ZFP1: variants seen among roughly 807,000 people sequenced by gnomAD.
ZFP1 encodes the protein zinc finger protein 1 homolog.
ZFP1 carries 32 observed loss-of-function variants against 38.5 expected under a neutral mutation model. The ratio of observed to expected loss-of-function variants is 0.83; its 90% CI spans 0.63 to 1.12. The LOEUF (loss-of-function observed/expected upper bound fraction) is 1.12. ZFP1 is among the 50% of genes most tolerant of loss of function. The pLI, the probability that ZFP1 is intolerant of heterozygous loss-of-function variation, is 0.00. For missense variants in ZFP1, 616 were observed against 480.8 expected, an observed-to-expected ratio of 1.28 and a Z score of -2.63; for synonymous variants, 245 against 168.8, an observed-to-expected ratio of 1.45 and a Z score of -3.50.
chr16:75,128,188 T>C, the ZFP1 span, among the ~76,000 whole-genome samples: 4 of 152,316 alleles, frequency 2.6e-5, no homozygotes, highest in Non-Finnish European at 4.4e-5. Flanking sequence ...TGACCTGTGG[T>C]AAGTAAAGAA....
At chr16:75,140,741 C>A in the ZFP1 span, among the ~76,000 whole-genome samples, 2 of 152,162 alleles carry the variant, frequency 1.3e-5, no homozygotes, top group East Asian at 3.9e-4. Flanking sequence ...GGGCGGATCA[C>A]GAGGTCAGGA....
In ZFP1 at chr16:75,169,576, T is replaced by C; in HGVS notation, c.466T>C (p.Ser156Pro). 1 of 1,601,364 alleles carries C rather than the reference T, an allele frequency of 6.2e-7. No homozygotes were observed. The highest frequency in any genetic ancestry group is 8.5e-7 in the Non-Finnish European group (1 of 1,177,118). ...QEKTHSGVEY[S>P]EYNKSGKALS... Reference sequence around the variant, plus strand: ...GAAAACCCACAGTGGAGTAGAATATTCTGAATACAATAAAAGTGGAAAAGC... The same window carrying C: ...GAAAACCCACAGTGGAGTAGAATATCCTGAATACAATAAAAGTGGAAAAGC... The change falls in exon 4 of 4, where the codon TCT (serine) becomes CCT (proline). Residue 156 changes from serine to proline, a missense_variant. Transcript: ENST00000570010.
the ZFP1 span, among the ~76,000 whole-genome samples, chr16:75,136,235 G>T: frequency 6.6e-6 from 1 of 152,208 alleles, no homozygotes; most frequent in Non-Finnish European, 1.5e-5. Flanking sequence ...ACTGAAGAGG[G>T]TTGGGGAAAA....
intron 2 of ZFP1, 52 bp from the exon 3 acceptor site, chr16:75,166,713 ATCCTT>A (rs1368045494): frequency 8.7e-6 from 14 of 1,612,932 alleles, no homozygotes; most frequent in South Asian, 5.5e-5. Context: ...GTTTTCATCT[ATCCTT>A]TCTATATCAC....
chr16:75,167,184 T>G (rs1311698541), intron 3 of ZFP1, among the ~76,000 whole-genome samples: 1 of 152,220 alleles, frequency 6.6e-6, no homozygotes, highest in Non-Finnish European at 1.5e-5. Flanking sequence ...AGTTGTCAAT[T>G]CAGAACATTC....
In ZFP1 at chr16:75,170,246, C is replaced by T. The variant is rs1446940609; in HGVS notation, c.1136C>T (p.Pro379Leu). ...LHLRIHTGEK[P>L]YECSECGKAF... Reference sequence around the variant, plus strand: ...TTGCGAATCCACACAGGAGAGAAACCATATGAGTGTTCCGAATGTGGGAAG... The same window carrying T: ...TTGCGAATCCACACAGGAGAGAAACTATATGAGTGTTCCGAATGTGGGAAG... Residue 379 changes from proline to leucine, a missense_variant, in exon 4 of 4, where the codon CCA becomes CTA. Pro to Leu is a moderately conservative substitution (Grantham distance 98). Transcript: ENST00000570010. 3 of 1,614,058 alleles carry T rather than the reference C, an allele frequency of 1.9e-6. No individual in the cohort carries two copies. The South Asian group carries it at 3.3e-5, about 18-fold the overall frequency.
At chr16:75,134,131 T>A in the ZFP1 span, among the ~76,000 whole-genome samples, 2 of 152,216 alleles carry the variant, frequency 1.3e-5, no homozygotes, top group African/African-American at 4.8e-5. Flanking sequence ...GGTATAGGAT[T>A]TCTTTCAAGA....
At chr16:75,142,173 T>C in the ZFP1 span, among the ~76,000 whole-genome samples, 5 of 144,132 alleles carry the variant, frequency 3.5e-5, no homozygotes, top group Admixed American at 1.4e-4. Context: ...CTGGCCAACA[T>C]GGTGAAACCC....
intron 2 of ZFP1, among the ~76,000 whole-genome samples, chr16:75,158,198 G>A (rs898952804): frequency 2.0e-5 from 3 of 151,838 alleles, no homozygotes; most frequent in Non-Finnish European, 4.4e-5. Context: ...TTGTAGTTTG[G>A]TCGTGGTTTT....
At chr16:75,140,070 A>C in the ZFP1 span, among the ~76,000 whole-genome samples, 1 of 152,142 alleles carries the variant, frequency 6.6e-6, no homozygotes, top group African/African-American at 2.4e-5. Context: ...GGAGTTCAAG[A>C]CCAGCCTGAC....
At chr16:75,147,314 G>T (rs536426722), upstream of ZFP1, among the ~76,000 whole-genome samples, 1 of 152,230 alleles carries the variant, frequency 6.6e-6, no homozygotes, top group South Asian at 2.1e-4. Context: ...TTGAGACAGG[G>T]TCACCCAAGC....
intron 2 of ZFP1, among the ~76,000 whole-genome samples, chr16:75,164,057 T>G (rs908371098): frequency 6.6e-6 from 1 of 152,230 alleles, no homozygotes; most frequent in African/African-American, 2.4e-5. Context: ...TATAGAATTT[T>G]GGGTCATGTT....
intron 2 of ZFP1, among the ~76,000 whole-genome samples, chr16:75,160,349 ATGTACTAAACCCATC>A (rs1025130888): frequency 2.6e-5 from 4 of 151,982 alleles, no homozygotes; most frequent in African/African-American, 9.7e-5. Context: ...TCTTGCCAAC[ATGTACTAAACCCATC>A]TGTACTAAAC....
At chr16:75,137,113 A>G in the ZFP1 span, among the ~76,000 whole-genome samples, 5 of 152,118 alleles carry the variant, frequency 3.3e-5, no homozygotes, top group African/African-American at 1.2e-4. Flanking sequence ...AAGGAAATAT[A>G]TGAGATGGCC....
At chr16:75,156,115 C>T (rs1276774759) in intron 2 of ZFP1, among the ~76,000 whole-genome samples, 1 of 152,166 alleles carries the variant, frequency 6.6e-6, no homozygotes, top group East Asian at 1.9e-4. Flanking sequence ...AATGTGGCAA[C>T]ACCAAGCAAA....
At chr16:75,130,992 C>G in the ZFP1 span, among the ~76,000 whole-genome samples, 7 of 152,094 alleles carry the variant, frequency 4.6e-5, no homozygotes, top group African/African-American at 1.7e-4. Flanking sequence ...GGCCTGATAT[C>G]CATTTATCAT....
chr16:75,147,737 A>G (rs992998028), upstream of ZFP1, among the ~76,000 whole-genome samples: 2 of 152,200 alleles, frequency 1.3e-5, no homozygotes, highest in African/African-American at 4.8e-5. Flanking sequence ...CTGTGAACCT[A>G]AAACTGTTCT....
the ZFP1 span, among the ~76,000 whole-genome samples, chr16:75,130,001 T>C: frequency 8.5e-5 from 13 of 152,192 alleles, no homozygotes; most frequent in Admixed American, 3.9e-4. Flanking sequence ...GGTTTTTTTG[T>C]TTTTTGTTTT....
At chr16:75,127,556 A>G in the ZFP1 span, among the ~76,000 whole-genome samples, 1 of 152,132 alleles carries the variant, frequency 6.6e-6, no homozygotes, top group African/African-American at 2.4e-5. Context: ...CCTGGCCTCA[A>G]GAGATCCGCT....
Sources: gnomAD v4.1 joint callset for allele counts (sites outside exome capture counted in the v4.1 genomes callset) on GRCh38, gnomAD v4.1.1 for gene constraint, MANE v1.5 for transcripts, NCBI Gene and HGNC (gene_info 2026-07-23, HGNC 2026-07-21) for gene names.